FTCD: variants seen among roughly 807,000 people sequenced by gnomAD.
The protein encoded by FTCD is formimidoyltransferase-cyclodeaminase.
Under a neutral mutation model 62.9 loss-of-function variants are expected in FTCD, and 76 were observed. That is an observed-to-expected ratio of 1.21 (90% CI 1.00 to 1.46). The LOEUF is 1.46. FTCD is among the 40% of genes most tolerant of loss of function. The pLI, the probability that FTCD is intolerant of heterozygous loss-of-function variation, is 0.00. For missense variants in FTCD, 845 were observed against 751.3 expected, an observed-to-expected ratio of 1.12 and a Z score of -1.46; for synonymous variants, 397 against 336.9, an observed-to-expected ratio of 1.18 and a Z score of -1.95.
In FTCD at chr21:46,137,332, C is replaced by T. The variant is rs777046338; in HGVS notation, c.1446G>A (p.Val482=). 2 of 1,612,450 alleles carry T rather than the reference C, an allele frequency of 1.2e-6. No homozygotes were observed. Among genetic ancestry groups the T allele is most frequent in the Non-Finnish European group, 8.5e-7 (1 of 1,178,992 alleles). Residue 482 remains valine, a splice_region_variant and synonymous_variant, in exon 13 of 14, where the codon GTG becomes GTA. Transcript: ENST00000397746. ...CGCCCATCTCCAGGGCTTTGGCCGC[C>T]ACCTGCAAGGACCCCAGGGAGCCCC... The part of the protein sequence containing the change: ...GNLACRSDLQ[V]AAKALEMGVF...
chr21:46,153,082 G>A, intron 2 of FTCD, 47 bp from the exon 3 acceptor site: 1 of 1,529,004 alleles, frequency 6.5e-7, no homozygotes, highest in Admixed American at 2.0e-5. Context: ...TGTGGGAGCG[G>A]GTGGGAGCTC....
At position 46,152,928 on chromosome 21, in the gene FTCD, C is replaced by T. The variant is rs761999120; in HGVS notation, c.346G>A (p.Ala116Thr). 5 of 1,567,462 alleles carry T rather than the reference C, an allele frequency of 3.2e-6. No homozygotes were observed. Among genetic ancestry groups the T allele is most frequent in the South Asian group, 2.3e-5 (2 of 85,406 alleles). The change falls in exon 3 of 14, where the codon GCA (alanine) becomes ACA (threonine). Residue 116 changes from alanine (A) to threonine (T), a missense_variant. By Grantham distance (58) the Ala-to-Thr change is moderately conservative. Transcript: ENST00000397746. ...TCACCTGGCACGTCCAGCTCCTCTG[C>T]CAGCCTCTGGCCAAAGGCCTGGGCG... ...LCAQAFGQRL[A>T]EELDVPVYLY...
In FTCD at chr21:46,145,408, G is replaced by A. The variant is rs373667711; in HGVS notation, c.1260+9C>T. Reference sequence around the variant, plus strand: ...GGGCCCGGGGAGCCCTGCTGTGGCCGCCACTCACCAGGTAGGCGGTGAAGG... The same window carrying A: ...GGGCCCGGGGAGCCCTGCTGTGGCCACCACTCACCAGGTAGGCGGTGAAGG... On this transcript the variant is annotated intron_variant, in intron 10 of 13. Transcript: ENST00000397746. The A allele has an allele frequency of 2.0e-4, 313 of 1,538,412 alleles. No individual in the cohort carries two copies. The highest frequency in any genetic ancestry group is 2.5e-4 in the Non-Finnish European group (288 of 1,140,560).
At position 46,141,806 on chromosome 21, in the gene FTCD, AAAG is replaced by A. The variant is rs1258039443; in HGVS notation, c.1261-2886_1261-2884del. Among the ~76,000 whole-genome samples the A allele has an allele frequency of 2.6e-5, 4 of 152,246 alleles. 1 individual carries two copies. The highest frequency in any genetic ancestry group is 4.1e-4 in the South Asian group (2 of 4,828). ...AATATTCACCAGATAACTTCCTGGA[AAAG>A]AAGTAAAAACCACTGCTAAATGTAC... On this transcript the variant is annotated intron_variant, in intron 10 of 13. Coordinates refer to ENST00000397746, the MANE Select transcript of FTCD (RefSeq NM_206965.2).
intron 10 of FTCD, among the ~76,000 whole-genome samples, chr21:46,144,379 CCT>C (rs1406948711): frequency 7.2e-6 from 1 of 139,370 alleles, no homozygotes; most frequent in African/African-American, 2.7e-5. Context: ...CCCCTCTCTC[CCT>C]CTCTCTCCCT....
chr21:46,139,415 G>A (rs2078945335), intron 10 of FTCD, among the ~76,000 whole-genome samples: 1 of 152,074 alleles, frequency 6.6e-6, no homozygotes, highest in Non-Finnish European at 1.5e-5. Flanking sequence ...GTAGCTCACG[G>A]CGTCACCGTA....
At chr21:46,138,373 C>T in intron 12 of FTCD, 135 bp downstream of exon 12, 1 of 820,638 alleles carries the variant, frequency 1.2e-6, no homozygotes, top group South Asian at 1.6e-5. Flanking sequence ...AGGCCAAAGC[C>T]CCGGGAACTG....
At chr21:46,143,060 G>A (rs554003222) in intron 10 of FTCD, among the ~76,000 whole-genome samples, 1 of 152,232 alleles carries the variant, frequency 6.6e-6, no homozygotes, top group Non-Finnish European at 1.5e-5. Context: ...GGACCAGAAC[G>A]GGACCCTCAG....
At chr21:46,138,811 T>TA in intron 11 of FTCD, 69 bp downstream of exon 11, 2 of 1,457,622 alleles carry the variant, frequency 1.4e-6, no homozygotes, top group Non-Finnish European at 1.9e-6. Flanking sequence ...AGCACCCAGG[T>TA]ACTCGGGATC....
At chr21:46,152,811 G>A (rs2079324457) in intron 3 of FTCD, 96 bp downstream of exon 3, 1 of 1,025,708 alleles carries the variant, frequency 9.7e-7, no homozygotes, top group East Asian at 2.6e-5. Flanking sequence ...CCTTGCAAGA[G>A]CAGTCAAGGG....
At chr21:46,136,303 A>G (rs898345674), downstream of FTCD, 1 of 711,202 alleles carries the variant, frequency 1.4e-6, no homozygotes, top group Non-Finnish European at 2.4e-6. Context: ...TTCTCTGGAG[A>G]CAGGAGGCTG....
At chr21:46,141,570 T>C (rs1349617281) in intron 10 of FTCD, among the ~76,000 whole-genome samples, 1 of 152,138 alleles carries the variant, frequency 6.6e-6, no homozygotes, top group African/African-American at 2.4e-5. Flanking sequence ...TGAACTGTGA[T>C]ACAAGACCCA....
intron 6 of FTCD, 51 bp from the exon 7 acceptor site, chr21:46,150,301 C>T (rs1208367002): frequency 6.2e-7 from 1 of 1,609,366 alleles, no homozygotes; most frequent in African/African-American, 1.3e-5. Context: ...GGAGAATGGC[C>T]CTGGCTGGAG....
At chr21:46,138,671 G>A (rs753767995) in intron 11 of FTCD, 25 bp from the exon 12 acceptor site, 11 of 1,594,200 alleles carry the variant, frequency 6.9e-6, no homozygotes, top group African/African-American at 6.7e-5. Context: ...AGGAGAGCCT[G>A]AGCACAGCGG....
At chr21:46,148,623 G>C (rs114975709) in intron 7 of FTCD, among the ~76,000 whole-genome samples, 2,377 of 152,250 alleles carry the variant, frequency 0.016, 73 homozygotes, top group African/African-American at 0.054. Context: ...TGTCTCAAAA[G>C]AAGTAACAAA....
In FTCD at chr21:46,137,049, G is replaced by A. The variant is rs781426281; in HGVS notation, c.1564C>T (p.Leu522=). The change falls in exon 14 of 14, where the codon CTG becomes TTG. Residue 522 remains leucine, a synonymous_variant. Transcript: ENST00000397746. ...DQIHHRVSSL[L]QEAKTQAALV... is the part of the protein sequence containing the mutation. ...GCAGCCTGGGTCTTGGCTTCCTGCA[G>A]GAGGCTGGAAACACGATGGTGGATC... 1 of 1,613,804 alleles carries A rather than the reference G, an allele frequency of 6.2e-7. No individual in the cohort carries two copies. Among genetic ancestry groups the A allele is most frequent in the Non-Finnish European group, 8.5e-7 (1 of 1,179,986 alleles).
chr21:46,149,188 T>C (rs565292830), intron 7 of FTCD, among the ~76,000 whole-genome samples: 60 of 152,260 alleles, frequency 3.9e-4, no homozygotes, highest in Middle Eastern at 3.4e-3. Flanking sequence ...ACAAAAAATT[T>C]TGTTAACAGC....
chr21:46,150,741 G>C (rs551895710), intron 5 of FTCD, among the ~76,000 whole-genome samples: 1 of 151,524 alleles, frequency 6.6e-6, no homozygotes, highest in Non-Finnish European at 1.5e-5. Context: ...GTCAGACACC[G>C]GAGGCCCACC....
chr21:46,152,665 T>C (rs1327061103), intron 3 of FTCD: 2 of 459,974 alleles, frequency 4.3e-6, no homozygotes, highest in Non-Finnish European at 7.7e-6. Context: ...ACTTTAAGGC[T>C]CTTGGTTTGC....
Sources: gnomAD v4.1 joint callset for allele counts (sites outside exome capture counted in the v4.1 genomes callset) on GRCh38, gnomAD v4.1.1 for gene constraint, MANE v1.5 for transcripts, NCBI Gene and HGNC (gene_info 2026-07-23, HGNC 2026-07-21) for gene names.